CABP5: variants seen among roughly 807,000 people sequenced by gnomAD.
The protein encoded by CABP5 is calcium binding protein 5, also known as calcium-binding protein 5.
A neutral mutation model predicts 21.9 loss-of-function variants in CABP5; 17 were observed. That is an observed-to-expected ratio of 0.78 (90% CI 0.53 to 1.17). The LOEUF is 1.17. Ranked by LOEUF, CABP5 falls within the 50% of genes most tolerant of loss-of-function variation. CABP5 has a pLI of 0.00. For synonymous variants in CABP5, 85 were observed against 79.4 expected (o/e 1.07, Z -0.37); for missense variants, 229 against 228.9 (o/e 1.00, Z 0.00).
At chr19:48,038,364 G>A (rs559593964) in intron 4 of CABP5, among the ~76,000 whole-genome samples, 4 of 152,338 alleles carry the variant, frequency 2.6e-5, no homozygotes, top group African/African-American at 9.6e-5. Flanking sequence ...GTTGCTGAAA[G>A]CTCTCAGAAC....
rs114878294 is a variant in CABP5 at position 48,031,652 on chromosome 19, A to G, written c.497-1070T>C. Among the ~76,000 whole-genome samples, 614 of 152,288 alleles carry G rather than the reference A, an allele frequency of 4.0e-3. 4 individuals are homozygous for G. Among genetic ancestry groups the G allele is most frequent in the African/African-American group, 0.014 (595 of 41,550 alleles). ...AAGGAAACTTACGCCAGCGAGGGTCACCAACATACCTGAGGCCACGTGGAT... is the reference window on the plus strand; with the variant it reads ...AAGGAAACTTACGCCAGCGAGGGTCGCCAACATACCTGAGGCCACGTGGAT... On this transcript the variant is annotated intron_variant, in intron 5 of 5. Coordinates refer to ENST00000293255, the MANE Select transcript of CABP5 (RefSeq NM_019855.5).
Position 48,030,175 on chromosome 19 carries a change from T to C in CABP5, c.*382A>G, listed in dbSNP as rs1967321039. On this transcript the variant is annotated 3_prime_UTR_variant, in exon 6 of 6. Coordinates refer to ENST00000293255, the MANE Select transcript of CABP5 (RefSeq NM_019855.5). ...AGAGACTACGTTCTGAACCTTTTGA[T>C]ACCCAACAGGAGAAGAGACTATTTT... is the stretch of plus-strand genomic sequence containing the variant. 4.8e-6 allele frequency: 1 copy of C among 206,192 alleles called. No individual in the cohort carries two copies. The highest frequency in any genetic ancestry group is 9.6e-6 in the Non-Finnish European group (1 of 104,394). The allele number at this position is 206,192 out of a possible 1,614,324, so 12.8% of individuals were successfully genotyped here. A position where few individuals can be genotyped will look rare whatever the true frequency, so the allele number is the denominator to read the frequency against.
At chr19:48,036,450 T>G (rs1967409609) in intron 4 of CABP5, among the ~76,000 whole-genome samples, 1 of 152,146 alleles carries the variant, frequency 6.6e-6, no homozygotes, top group African/African-American at 2.4e-5. Context: ...CACTTACATA[T>G]GAAGTACTTA....
chr19:48,034,129 G>T, intron 5 of CABP5, 86 bp downstream of exon 5: 1 of 1,357,448 alleles, frequency 7.4e-7, no homozygotes, highest in Non-Finnish European at 9.8e-7. Context: ...GAGAAGGAGT[G>T]GCCAACTTGG....
rs776706625 is a variant in CABP5, at chr19:48,043,847, C to T, written c.63+13G>A. 10 of 1,496,996 alleles carry T rather than the reference C, an allele frequency of 6.7e-6. 1 individual carries two copies. In the South Asian group the frequency reaches 1.3e-4, roughly 20 times the overall value. The allele number at this position is 1,496,996 out of a possible 1,614,324, so 92.7% of individuals were successfully genotyped here. On this transcript the variant is annotated intron_variant, in intron 1 of 5. Coordinates refer to ENST00000293255, the MANE Select transcript of CABP5 (RefSeq NM_019855.5). ...CCCCGCCCACCGCCCTTCCCCCTCACTCCCCACCTCACCCGCTGTTTCTCA... is the reference window on the plus strand; with the variant it reads ...CCCCGCCCACCGCCCTTCCCCCTCATTCCCCACCTCACCCGCTGTTTCTCA...
chr19:48,039,920 G>T (rs1395878328), intron 3 of CABP5, among the ~76,000 whole-genome samples: 1 of 151,752 alleles, frequency 6.6e-6, no homozygotes, highest in Non-Finnish European at 1.5e-5. Context: ...TCACCATGTT[G>T]CCCATGCTGT....
chr19:48,039,699 A>G (rs1474682241), intron 3 of CABP5, among the ~76,000 whole-genome samples: 2 of 135,872 alleles, frequency 1.5e-5, no homozygotes, highest in Non-Finnish European at 3.1e-5. Context: ...AGCAAACCCA[A>G]TAGCTTTTTT....
chr19:48,029,808 G>GAA lies in CABP5; in HGVS notation c.*748_*749insTT. On this transcript the variant is annotated 3_prime_UTR_variant, in exon 6 of 6. Coordinates refer to ENST00000293255, the MANE Select transcript of CABP5 (RefSeq NM_019855.5). ...ACAGAGACAGACAGACAGAGAGAGAGAGAGAGAGAGAGAGAGAGAGAGAGA... is the reference window on the plus strand; with the variant it reads ...ACAGAGACAGACAGACAGAGAGAGAGAAAGAGAGAGAGAGAGAGAGAGAGAGA... 6.7e-6 allele frequency: 1 copy of GAA among 148,844 alleles called. No homozygotes were observed. 9.2% of individuals were successfully genotyped at this position (148,844 alleles called of 1,614,324 possible). A position where few individuals can be genotyped will look rare whatever the true frequency, so the allele number is the denominator to read the frequency against.
At chr19:48,042,578 CTCT>C (rs1487582307) in intron 1 of CABP5, among the ~76,000 whole-genome samples, 10 of 119,720 alleles carry the variant, frequency 8.4e-5, no homozygotes, top group Non-Finnish European at 1.3e-4. Context: ...CATTCTCTCT[CTCT>C]TTTTTTTTTT....
chr19:48,039,455 G>A (rs1967452354), intron 3 of CABP5, 138 bp from the exon 4 acceptor site: 1 of 664,770 alleles, frequency 1.5e-6, no homozygotes, highest in South Asian at 1.8e-5. Flanking sequence ...CCCTCCAGCA[G>A]CTAACTCCAA....
At position 48,030,590 on chromosome 19, in the gene CABP5, GAAA is replaced by G; in HGVS notation, c.497-11_497-9del. 1 of 1,410,142 alleles carries G rather than the reference GAAA, an allele frequency of 7.1e-7. No individual in the cohort carries two copies. The highest frequency in any genetic ancestry group is 9.7e-7 in the Non-Finnish European group (1 of 1,032,666). 87.4% of individuals were successfully genotyped at this position (1,410,142 alleles called of 1,614,324 possible). A position where few individuals can be genotyped will look rare whatever the true frequency, so the allele number is the denominator to read the frequency against. ...ACATCATCTTCACAAACTCTGCAAA[GAAA>G]AAAAAAAATCCCCAGTAAGGCATCT... is the stretch of plus-strand genomic sequence containing the variant. On this transcript the variant is annotated splice_polypyrimidine_tract_variant and intron_variant, in intron 5 of 5. Coordinates refer to ENST00000293255, the MANE Select transcript of CABP5 (RefSeq NM_019855.5).
intron 2 of CABP5, 63 bp from the exon 3 acceptor site, chr19:48,040,811 T>G: frequency 2.6e-6 from 4 of 1,544,016 alleles, no homozygotes; most frequent in African/African-American, 1.4e-5. Flanking sequence ...GTGGCATCTC[T>G]TGAAGCTATC....
intron 5 of CABP5, among the ~76,000 whole-genome samples, chr19:48,033,375 C>T: frequency 6.6e-6 from 1 of 152,198 alleles, no homozygotes; most frequent in East Asian, 1.9e-4. Flanking sequence ...ATCCTTTTCA[C>T]TTATTCAGTG....
chr19:48,033,159 T>A (rs71355787), intron 5 of CABP5, among the ~76,000 whole-genome samples: 2 of 151,644 alleles, frequency 1.3e-5, no homozygotes, highest in Non-Finnish European at 2.9e-5. Flanking sequence ...CTGCCACCAC[T>A]TCCGGCTAAT....
chr19:48,039,261 C>T lies in CABP5; in HGVS notation c.295G>A (p.Ala99Thr), dbSNP rs1967449749. ...ACACCGATCATCCCAGCTGTTTCTG[C>T]AAGCAATTTGGGGGTCATCAGCTCC... The part of the protein sequence containing the change: ...FVELMTPKLL[A>T]ETAGMIGVQE... Residue 99 changes from alanine (A) to threonine (T), a missense_variant, in exon 4 of 6, where the codon GCA becomes ACA. Coordinates refer to ENST00000293255, the MANE Select transcript of CABP5 (RefSeq NM_019855.5). The T allele has an allele frequency of 1.2e-6, 2 of 1,614,054 alleles. No homozygotes were observed. The highest frequency in any genetic ancestry group is 1.6e-4 in the Middle Eastern group (1 of 6,084).
At chr19:48,030,948 C>T (rs764631499) in intron 5 of CABP5, among the ~76,000 whole-genome samples, 9 of 151,692 alleles carry the variant, frequency 5.9e-5, no homozygotes, top group African/African-American at 2.2e-4. Flanking sequence ...GGCAACATAG[C>T]GACACCCCCA....
chr19:48,040,886 A>C, intron 2 of CABP5, 138 bp from the exon 3 acceptor site: 1 of 841,516 alleles, frequency 1.2e-6, no homozygotes, highest in Non-Finnish European at 1.8e-6. Context: ...AACAAAACAA[A>C]AAAACCAAGG....
At position 48,030,517 on chromosome 19, in the gene CABP5, G is replaced by A. The variant is rs773521580; in HGVS notation, c.*40C>T. On this transcript the variant is annotated 3_prime_UTR_variant, in exon 6 of 6. Coordinates refer to ENST00000293255, the MANE Select transcript of CABP5 (RefSeq NM_019855.5). The stretch of plus-strand genomic sequence containing the variant: ...GGTTCTCCACAAGCGCTTGCTCCAT[G>A]TTGACCAGGTGGAGAGGGTCTGGAG... 48 of 1,599,084 alleles carry A rather than the reference G, an allele frequency of 3.0e-5. No individual in the cohort carries two copies. The highest frequency in any genetic ancestry group is 3.7e-5 in the Non-Finnish European group (44 of 1,173,540).
intron 3 of CABP5, among the ~76,000 whole-genome samples, chr19:48,039,702 G>C (rs1225221064): frequency 1.4e-5 from 1 of 73,056 alleles, no homozygotes. Flanking sequence ...AAACCCAATA[G>C]CTTTTTTTTT....
Sources: gnomAD v4.1 joint callset for allele counts (sites outside exome capture counted in the v4.1 genomes callset) on GRCh38, gnomAD v4.1.1 for gene constraint, MANE v1.5 for transcripts, NCBI Gene and HGNC (gene_info 2026-07-23, HGNC 2026-07-21) for gene names.